SHC3: variants seen among roughly 807,000 people sequenced by gnomAD.
The protein encoded by SHC3 is SHC adaptor protein 3, also known as SHC-transforming protein 3.
Under a neutral mutation model 60.4 loss-of-function variants are expected in SHC3, and 15 were observed. That is an observed-to-expected ratio of 0.25 (90% confidence interval 0.17 to 0.38). The LOEUF (loss-of-function observed/expected upper bound fraction) is 0.38. Ranked by LOEUF, SHC3 falls within the 10% of genes least tolerant of loss-of-function variation. The pLI, the probability that SHC3 is intolerant of heterozygous loss-of-function variation, is 1.00. For missense variants in SHC3, 677 were observed against 786.1 expected (o/e 0.86, Z 1.66); for synonymous variants, 294 against 325.9 (o/e 0.90, Z 1.05).
intron 1 of SHC3, among the ~76,000 whole-genome samples, chr9:89,165,017 G>A (rs537470794): frequency 7.2e-5 from 11 of 152,278 alleles, no homozygotes; most frequent in African/African-American, 2.2e-4. Flanking sequence ...TATAATTTGC[G>A]AGAAATTAGA....
intron 1 of SHC3, among the ~76,000 whole-genome samples, chr9:89,151,742 G>A (rs759661947): frequency 7.2e-5 from 11 of 152,198 alleles, no homozygotes; most frequent in South Asian, 2.1e-4. Context: ...ACAATTTGGG[G>A]AATCATTGAG....
At chr9:89,024,304 G>T (rs1347166796) in intron 11 of SHC3, among the ~76,000 whole-genome samples, 1 of 152,092 alleles carries the variant, frequency 6.6e-6, no homozygotes, top group Non-Finnish European at 1.5e-5. Context: ...TAGAAACAGG[G>T]TTTCATTCTG....
At chr9:89,112,655 G>A in intron 1 of SHC3, 29 bp from the exon 2 acceptor site, 5 of 1,561,472 alleles carry the variant, frequency 3.2e-6, no homozygotes, top group Non-Finnish European at 4.3e-6. Context: ...TAAATCGTGA[G>A]CCCTGAGATT....
chr9:89,124,241 A>C (rs1040860289), intron 1 of SHC3, among the ~76,000 whole-genome samples: 3 of 152,204 alleles, frequency 2.0e-5, no homozygotes, highest in Non-Finnish European at 4.4e-5. Context: ...CACTGTTGGT[A>C]GGAGTGTAAA....
rs147050872 is a variant in SHC3 at position 89,115,178 on chromosome 9, T to C, written c.475-2552A>G. On this transcript the variant is annotated intron_variant, in intron 1 of 11. Transcript: ENST00000375835. Reference sequence around the variant, plus strand: ...TGACATCTCAAAGTTAGATGAGTACTGTCTTCTCTGTCATTGCAGAGTCAT... The same window carrying C: ...TGACATCTCAAAGTTAGATGAGTACCGTCTTCTCTGTCATTGCAGAGTCAT... Among the ~76,000 whole-genome samples the C allele has an allele frequency of 3.3e-5, 5 of 152,312 alleles. No individual in the cohort carries two copies. In the East Asian group the frequency reaches 9.7e-4, roughly 29 times the overall value.
chr9:89,042,293 C>A (rs140717060), intron 9 of SHC3, 109 bp from the exon 10 acceptor site: 4 of 1,216,058 alleles, frequency 3.3e-6, no homozygotes, highest in Non-Finnish European at 4.5e-6. Flanking sequence ...CCTCCTCCTT[C>A]GGATTCCTAT....
At chr9:89,021,937 G>A (rs1240109942) in intron 11 of SHC3, among the ~76,000 whole-genome samples, 1 of 152,182 alleles carries the variant, frequency 6.6e-6, no homozygotes, top group East Asian at 1.9e-4. Flanking sequence ...GCAAGACTAC[G>A]GGGTGGTCTT....
intron 11 of SHC3, among the ~76,000 whole-genome samples, chr9:89,013,830 T>A (rs1467034000): frequency 6.6e-6 from 1 of 152,168 alleles, no homozygotes; most frequent in African/African-American, 2.4e-5. Context: ...AGTTCTGGAA[T>A]GTCCCAGCCC....
intron 1 of SHC3, among the ~76,000 whole-genome samples, chr9:89,142,027 C>T (rs1038649443): frequency 2.6e-5 from 4 of 152,132 alleles, no homozygotes; most frequent in African/African-American, 4.8e-5. Flanking sequence ...AAAAAGCTCC[C>T]CATGTCCCTT....
At chr9:89,022,599 C>T (rs955776634) in intron 11 of SHC3, among the ~76,000 whole-genome samples, 1 of 152,128 alleles carries the variant, frequency 6.6e-6, no homozygotes, top group African/African-American at 2.4e-5. Context: ...AAAAACACAA[C>T]CCTGGGTGGA....
At chr9:89,084,890 T>C (rs1825503192) in intron 2 of SHC3, among the ~76,000 whole-genome samples, 1 of 152,190 alleles carries the variant, frequency 6.6e-6, no homozygotes, top group Non-Finnish European at 1.5e-5. Context: ...GCTGGACCCA[T>C]GAGGGGCTGG....
chr9:89,103,974 CA>C (rs1222321464), intron 2 of SHC3, among the ~76,000 whole-genome samples: 3 of 152,048 alleles, frequency 2.0e-5, no homozygotes, highest in African/African-American at 7.2e-5. Flanking sequence ...AGAAAAGGAG[CA>C]ATCAGAGAGG....
At chr9:89,108,875 C>T (rs1386862996) in intron 2 of SHC3, among the ~76,000 whole-genome samples, 1 of 152,182 alleles carries the variant, frequency 6.6e-6, no homozygotes, top group Non-Finnish European at 1.5e-5. Flanking sequence ...AGAGTTCGTG[C>T]TAACCACTCT....
In SHC3 at chr9:89,011,117, GTAACCAATAT is replaced by G. The variant is rs1826009082; in HGVS notation, c.*2320_*2329del. On this transcript the variant is annotated 3_prime_UTR_variant, in exon 12 of 12. Transcript: ENST00000375835. ...CTCACTTCACTGGCACTATTCTAGT[GTAACCAATAT>G]ATAATCTGAGCTTAAAAATGTATAT... 6.6e-6 allele frequency: 1 copy of G among 152,028 alleles called. No homozygotes were observed. Among genetic ancestry groups the G allele is most frequent in the Non-Finnish European group, 1.5e-5 (1 of 68,006 alleles). The allele number at this position is 152,028 out of a possible 1,614,324, so 9.4% of individuals were successfully genotyped here.
chr9:89,104,510 C>G (rs558768929), intron 2 of SHC3, among the ~76,000 whole-genome samples: 1 of 152,306 alleles, frequency 6.6e-6, no homozygotes, highest in South Asian at 2.1e-4. Flanking sequence ...GGGCCTTGTG[C>G]CAAGTCAGAG....
intron 6 of SHC3, among the ~76,000 whole-genome samples, chr9:89,056,881 CA>C (rs1164432637): frequency 6.6e-6 from 1 of 152,236 alleles, no homozygotes; most frequent in Non-Finnish European, 1.5e-5. Context: ...CAAGCCAAGG[CA>C]AAAAACTTAT....
intron 6 of SHC3, among the ~76,000 whole-genome samples, chr9:89,059,180 A>AC (rs1170871704): frequency 8.3e-6 from 1 of 120,918 alleles, no homozygotes; most frequent in African/African-American, 3.2e-5. Context: ...GTGGTGTAGG[A>AC]CATGGTGGAG....
intron 2 of SHC3, among the ~76,000 whole-genome samples, chr9:89,093,559 A>T (rs2118058493): frequency 6.6e-6 from 1 of 152,330 alleles, no homozygotes; most frequent in East Asian, 1.9e-4. Flanking sequence ...TCTCCAAAAA[A>T]AAAAAAAGGG....
At chr9:89,155,044 G>T (rs146358437) in intron 1 of SHC3, among the ~76,000 whole-genome samples, 1 of 152,054 alleles carries the variant, frequency 6.6e-6, no homozygotes, top group Non-Finnish European at 1.5e-5. Context: ...TAGAAAATTC[G>T]TTATCTACCC....
Sources: allele counts gnomAD v4.1 joint callset (sites outside exome capture counted in the v4.1 genomes callset), GRCh38; gene constraint gnomAD v4.1.1; transcripts MANE v1.5; gene names NCBI Gene and HGNC (gene_info 2026-07-23, HGNC 2026-07-21).